Variants in ERC2 observed in about 807,000 individuals in gnomAD.
ERC2 encodes the protein ERC protein 2.
In ERC2, 42 loss-of-function variants were observed where a neutral mutation model predicts 114.8. The ratio of observed to expected loss-of-function variants is 0.37; its 90% confidence interval spans 0.29 to 0.47. The LOEUF is 0.47. Ranked by LOEUF, ERC2 falls within the 20% of genes least tolerant of loss-of-function variation. The pLI is 0.99. For missense variants in ERC2, 939 were observed against 1,150.7 expected (o/e 0.82, Z 2.66); for synonymous variants, 454 against 425.5 (o/e 1.07, Z -0.82).
chr3:55,742,420 A>C (rs1038216780), intron 14 of ERC2, among the ~76,000 whole-genome samples: 1 of 152,236 alleles, frequency 6.6e-6, no homozygotes, highest in African/African-American at 2.4e-5. Flanking sequence ...TTTGGGAAGA[A>C]GCATTAACAC....
At chr3:55,756,514 T>A (rs1000214880) in intron 14 of ERC2, among the ~76,000 whole-genome samples, 8 of 152,190 alleles carry the variant, frequency 5.3e-5, no homozygotes, top group African/African-American at 1.9e-4. Context: ...TCACTGTTTT[T>A]CCGGTTAGTT....
At chr3:55,664,511 G>A (rs983229316) in intron 17 of ERC2, among the ~76,000 whole-genome samples, 1 of 152,214 alleles carries the variant, frequency 6.6e-6, no homozygotes, top group Non-Finnish European at 1.5e-5. Flanking sequence ...AACCGCCATC[G>A]CTGCAGAGGA....
intron 13 of ERC2, among the ~76,000 whole-genome samples, chr3:55,920,446 A>ACACACACCC (rs57638674): frequency 1.3e-4 from 19 of 145,550 alleles, no homozygotes; most frequent in Non-Finnish European, 2.1e-4. Flanking sequence ...ACACACACAC[A>ACACACACCC]CCCCAAGTGA....
chr3:56,046,982 T>G (rs531870103), intron 7 of ERC2, among the ~76,000 whole-genome samples: 2 of 152,328 alleles, frequency 1.3e-5, no homozygotes, highest in South Asian at 2.1e-4. Flanking sequence ...GTCTGTCTTC[T>G]GCAAAGTGTC....
At chr3:56,040,619 G>GATGTATATGTATATATACATATATAT (rs1560072699) in intron 7 of ERC2, among the ~76,000 whole-genome samples, 7 of 1,436 alleles carry the variant, frequency 4.9e-3, no homozygotes, top group Non-Finnish European at 0.012. Context: ...ATAATATATA[G>GATGTATATGTATATATACATATATAT]ATGTATATGT....
chr3:55,722,389 A>G (rs1330458338), intron 15 of ERC2, among the ~76,000 whole-genome samples: 1 of 152,096 alleles, frequency 6.6e-6, no homozygotes, highest in Non-Finnish European at 1.5e-5. Context: ...TCTCCCCTCC[A>G]TGCACAGGGC....
At chr3:56,249,395 A>T (rs747595431) in intron 3 of ERC2, among the ~76,000 whole-genome samples, 1 of 151,306 alleles carries the variant, frequency 6.6e-6, no homozygotes, top group Non-Finnish European at 1.5e-5. Flanking sequence ...GTGCAATCTC[A>T]GCTCACTGCA....
chr3:55,857,513 T>C (rs1192909116), intron 14 of ERC2, among the ~76,000 whole-genome samples: 1 of 152,212 alleles, frequency 6.6e-6, no homozygotes, highest in African/African-American at 2.4e-5. Flanking sequence ...CACTATTATC[T>C]AAAACTTTTT....
intron 14 of ERC2, among the ~76,000 whole-genome samples, chr3:55,776,968 C>T (rs1424442182): frequency 2.0e-5 from 3 of 152,168 alleles, no homozygotes; most frequent in South Asian, 2.1e-4. Context: ...ACTTCCTCAA[C>T]CCCAATCTTT....
chr3:56,018,076 C>T (rs575782469), intron 8 of ERC2, among the ~76,000 whole-genome samples: 4 of 152,154 alleles, frequency 2.6e-5, no homozygotes, highest in South Asian at 2.1e-4. Context: ...TGAGACATAA[C>T]GGGGATACCT....
chr3:55,958,133 C>T (rs929014887), intron 12 of ERC2, among the ~76,000 whole-genome samples: 2 of 152,170 alleles, frequency 1.3e-5, no homozygotes, highest in African/African-American at 4.8e-5. Flanking sequence ...TCTCAGGAGA[C>T]CCGAAATGGG....
chr3:56,349,250 T>G (rs2058457558), intron 2 of ERC2, among the ~76,000 whole-genome samples: 1 of 152,140 alleles, frequency 6.6e-6, no homozygotes, highest in Non-Finnish European at 1.5e-5. Flanking sequence ...TAGGGCTTGA[T>G]CCGGTGATAA....
At chr3:55,679,221 T>TGGTC (rs911053195) in intron 17 of ERC2, among the ~76,000 whole-genome samples, 2 of 152,206 alleles carry the variant, frequency 1.3e-5, no homozygotes, top group Admixed American at 6.5e-5. Flanking sequence ...CCCAGAGTTA[T>TGGTC]GGTCTTCAAG....
intron 17 of ERC2, among the ~76,000 whole-genome samples, chr3:55,664,711 C>T (rs546709139): frequency 1.8e-4 from 27 of 152,306 alleles, no homozygotes; most frequent in Admixed American, 1.4e-3. Context: ...CTACATACCG[C>T]GGCCCAGAGC....
At chr3:56,208,825 G>A (rs1196749770) in intron 3 of ERC2, among the ~76,000 whole-genome samples, 1 of 152,142 alleles carries the variant, frequency 6.6e-6, no homozygotes, top group Non-Finnish European at 1.5e-5. Flanking sequence ...GGGCATCTAT[G>A]AGATAAAGCA....
intron 14 of ERC2, among the ~76,000 whole-genome samples, chr3:55,770,639 C>T (rs544358726): frequency 9.2e-5 from 14 of 152,180 alleles, no homozygotes; most frequent in South Asian, 2.1e-4. Flanking sequence ...TTAAATTATA[C>T]TTTAAGTTCT....
At chr3:55,628,026 G>T (rs866601136) in intron 17 of ERC2, among the ~76,000 whole-genome samples, 4 of 151,128 alleles carry the variant, frequency 2.6e-5, no homozygotes, top group Non-Finnish European at 1.5e-5. Context: ...TCAGAAAATT[G>T]TATCTAATTT....
chr3:56,030,860 C>G (rs578073163), intron 7 of ERC2, among the ~76,000 whole-genome samples: 1 of 152,264 alleles, frequency 6.6e-6, no homozygotes, highest in African/African-American at 2.4e-5. Context: ...TTCACAGTAT[C>G]CAGTCAGCCC....
At chr3:55,823,948 G>A (rs183017674) in intron 14 of ERC2, among the ~76,000 whole-genome samples, 12 of 152,176 alleles carry the variant, frequency 7.9e-5, no homozygotes, top group East Asian at 3.9e-4. Flanking sequence ...TCAAGGTGTC[G>A]GCAGATTCAG....
Sources: gnomAD v4.1 joint callset for allele counts (sites outside exome capture counted in the v4.1 genomes callset) on GRCh38, gnomAD v4.1.1 for gene constraint, MANE v1.5 for transcripts, NCBI Gene and HGNC (gene_info 2026-07-23, HGNC 2026-07-21) for gene names.